SPOCK1: variants seen among roughly 807,000 people sequenced by gnomAD.
The protein encoded by SPOCK1 is testican-1.
A neutral mutation model predicts 55.3 loss-of-function variants in SPOCK1; 23 were observed. The ratio of observed to expected loss-of-function variants is 0.42; its 90% CI spans 0.30 to 0.59. The LOEUF is 0.59. Among genes scored for constraint, SPOCK1 ranks in the 20% least tolerant of loss-of-function variants. The pLI is 0.22. For missense variants in SPOCK1, 499 were observed against 552.5 expected (o/e 0.90, Z 0.97); for synonymous variants, 226 against 221.0 (o/e 1.02, Z -0.20).
At chr5:137,203,945 A>G (rs1301678781) in intron 3 of SPOCK1, among the ~76,000 whole-genome samples, 1 of 152,198 alleles carries the variant, frequency 6.6e-6, no homozygotes, top group Non-Finnish European at 1.5e-5. Flanking sequence ...AAGGGAGGGG[A>G]AAAGTTGAAT....
intron 2 of SPOCK1, among the ~76,000 whole-genome samples, chr5:137,423,276 G>A (rs555106943): frequency 6.6e-6 from 1 of 152,312 alleles, no homozygotes; most frequent in East Asian, 1.9e-4. Flanking sequence ...CAGATCTCCA[G>A]CTGCATTCTG....
chr5:137,052,852 A>G (rs780262827), intron 6 of SPOCK1, among the ~76,000 whole-genome samples: 1 of 152,054 alleles, frequency 6.6e-6, no homozygotes, highest in African/African-American at 2.4e-5. Context: ...AGTATTTTTA[A>G]GTGTTCTATA....
At chr5:137,020,949 G>A (rs776259362) in intron 6 of SPOCK1, among the ~76,000 whole-genome samples, 3 of 152,102 alleles carry the variant, frequency 2.0e-5, no homozygotes, top group Non-Finnish European at 4.4e-5. Context: ...TGCACTCATG[G>A]TAGAAGCATC....
intron 2 of SPOCK1, among the ~76,000 whole-genome samples, chr5:137,271,105 T>G (rs542780090): frequency 4.0e-5 from 6 of 151,310 alleles, no homozygotes; most frequent in Non-Finnish European, 5.9e-5. Context: ...AGGAGGAGGG[T>G]TGGTGTTAGT....
chr5:137,169,822 G>C (rs1232060324), intron 3 of SPOCK1, among the ~76,000 whole-genome samples: 1 of 152,168 alleles, frequency 6.6e-6, no homozygotes, highest in Non-Finnish European at 1.5e-5. Flanking sequence ...ATGTGGCTAG[G>C]ACACAGCCAG....
intron 2 of SPOCK1, among the ~76,000 whole-genome samples, chr5:137,312,612 C>A (rs926618969): frequency 3.3e-5 from 5 of 152,202 alleles, no homozygotes; most frequent in African/African-American, 1.2e-4. Context: ...CAGGAGCCCA[C>A]AGCTGTCAGG....
chr5:137,442,912 A>G (rs1256172574), intron 2 of SPOCK1, among the ~76,000 whole-genome samples: 1 of 152,194 alleles, frequency 6.6e-6, no homozygotes, highest in East Asian at 1.9e-4. Context: ...TGACCTGCTC[A>G]GTGGGGCCAA....
chr5:137,228,902 C>T (rs1755999002), intron 3 of SPOCK1, among the ~76,000 whole-genome samples: 2 of 152,232 alleles, frequency 1.3e-5, no homozygotes, highest in Admixed American at 1.3e-4. Context: ...TCTAAATATA[C>T]TTCTGCAATC....
At chr5:137,302,437 T>C (rs965027883) in intron 2 of SPOCK1, among the ~76,000 whole-genome samples, 2 of 146,600 alleles carry the variant, frequency 1.4e-5, no homozygotes, top group African/African-American at 2.5e-5. Flanking sequence ...ATTAGCCAGG[T>C]GTGGTGGCAC....
At chr5:137,331,151 A>G (rs1183602320) in intron 2 of SPOCK1, among the ~76,000 whole-genome samples, 1 of 152,164 alleles carries the variant, frequency 6.6e-6, no homozygotes, top group Non-Finnish European at 1.5e-5. Context: ...ACCCTGTCTA[A>G]GGCCAAGGGA....
chr5:137,063,601 G>A (rs1383493426), intron 6 of SPOCK1, among the ~76,000 whole-genome samples: 1 of 152,160 alleles, frequency 6.6e-6, no homozygotes. Context: ...CCAAAGTGGG[G>A]CTATAAGAAG....
chr5:137,188,990 T>C (rs569104717), intron 3 of SPOCK1, among the ~76,000 whole-genome samples: 4 of 152,366 alleles, frequency 2.6e-5, no homozygotes, highest in African/African-American at 9.6e-5. Flanking sequence ...AGCCAAAACC[T>C]AGTCCAGAGC....
intron 2 of SPOCK1, among the ~76,000 whole-genome samples, chr5:137,496,132 T>C (rs567735876): frequency 6.6e-6 from 1 of 152,298 alleles, no homozygotes; most frequent in Non-Finnish European, 1.5e-5. Context: ...TTCCTAAACA[T>C]TAGAATAACC....
chr5:137,116,244 T>C (rs774890875), intron 4 of SPOCK1, among the ~76,000 whole-genome samples: 2 of 152,196 alleles, frequency 1.3e-5, no homozygotes, highest in Admixed American at 6.5e-5. Flanking sequence ...AACTGTATAT[T>C]CTCCATCTTT....
At chr5:137,421,756 G>T (rs1166272107) in intron 2 of SPOCK1, among the ~76,000 whole-genome samples, 2 of 152,088 alleles carry the variant, frequency 1.3e-5, no homozygotes, top group African/African-American at 4.8e-5. Flanking sequence ...TATTCAATTT[G>T]CCAGTCTGTG....
At chr5:137,097,925 C>A (rs1753185753) in intron 5 of SPOCK1, among the ~76,000 whole-genome samples, 1 of 152,160 alleles carries the variant, frequency 6.6e-6, no homozygotes, top group Non-Finnish European at 1.5e-5. Context: ...GGTGCAATCC[C>A]ACCTACCCGA....
At chr5:137,419,801 C>T (rs1341896648) in intron 2 of SPOCK1, among the ~76,000 whole-genome samples, 3 of 152,198 alleles carry the variant, frequency 2.0e-5, no homozygotes, top group African/African-American at 7.2e-5. Context: ...ATTTCCTTCT[C>T]CTGCCAGTTT....
intron 5 of SPOCK1, among the ~76,000 whole-genome samples, chr5:137,091,549 A>T (rs2127019665): frequency 6.6e-6 from 1 of 152,306 alleles, no homozygotes; most frequent in South Asian, 2.1e-4. Flanking sequence ...TAAAAATAAC[A>T]GTTCCCTTGA....
chr5:137,278,185 C>T (rs989978110), intron 2 of SPOCK1, among the ~76,000 whole-genome samples: 1 of 152,178 alleles, frequency 6.6e-6, no homozygotes, highest in Non-Finnish European at 1.5e-5. Context: ...TTCACTGTGT[C>T]CCTAAGACTG....
Sources: allele counts gnomAD v4.1 joint callset (sites outside exome capture counted in the v4.1 genomes callset), GRCh38; gene constraint gnomAD v4.1.1; transcripts MANE v1.5; gene names NCBI Gene and HGNC (gene_info 2026-07-23, HGNC 2026-07-21).